The following ZNF208 variants were observed in gnomAD, a reference collection of about 807,000 sequenced individuals.
ZNF208 encodes the protein zinc finger protein 95.
Under a neutral mutation model 12.1 loss-of-function variants are expected in ZNF208, and 10 were observed. That is an observed-to-expected ratio of 0.83 (90% CI 0.51 to 1.40). The LOEUF is 1.40. Ranked by LOEUF, ZNF208 falls within the 40% of genes most tolerant of loss-of-function variation. The pLI, the probability that ZNF208 is intolerant of heterozygous loss-of-function variation, is 0.00. For missense variants in ZNF208, 1,652 were observed against 1,485.0 expected (o/e 1.11, Z -1.85); for synonymous variants, 497 against 488.4 (o/e 1.02, Z -0.23).
chr19:21,987,009 C>G (rs1970638745), intron 3 of ZNF208: 3 of 522,372 alleles, frequency 5.7e-6, no homozygotes, highest in African/African-American at 4.0e-5. Flanking sequence ...AGGAAGATTA[C>G]TGAAGGGAAA....
chr19:21,947,732 A>G (rs1969835134), intron 4 of ZNF208, among the ~76,000 whole-genome samples: 1 of 152,220 alleles, frequency 6.6e-6, no homozygotes. Flanking sequence ...TGTTGAAGGT[A>G]AACTCATCCC....
At chr19:21,989,608 T>C (rs1431230295) in intron 1 of ZNF208, among the ~76,000 whole-genome samples, 1 of 152,198 alleles carries the variant, frequency 6.6e-6, no homozygotes, top group East Asian at 1.9e-4. Flanking sequence ...AGTAATGAGA[T>C]GGCTGGGTCA....
At chr19:21,983,859 G>A (rs1211032925) in intron 3 of ZNF208, among the ~76,000 whole-genome samples, 2 of 152,184 alleles carry the variant, frequency 1.3e-5, no homozygotes, top group African/African-American at 4.8e-5. Context: ...CAAGGGGTGG[G>A]GGCTAGGGGA....
intron 4 of ZNF208, among the ~76,000 whole-genome samples, chr19:21,947,740 C>T (rs936847586): frequency 6.6e-6 from 1 of 152,194 alleles, no homozygotes; most frequent in Admixed American, 6.5e-5. Context: ...GTAAACTCAT[C>T]CCATTCTCTG....
chr19:21,950,811 A>G (rs1050218470), intron 4 of ZNF208, among the ~76,000 whole-genome samples: 4 of 152,282 alleles, frequency 2.6e-5, no homozygotes, highest in African/African-American at 9.6e-5. Context: ...CCTGTTCATA[A>G]AAGGCCTCAA....
At chr19:21,989,489 T>A (rs566210956) in intron 1 of ZNF208, among the ~76,000 whole-genome samples, 4 of 152,034 alleles carry the variant, frequency 2.6e-5, no homozygotes, top group Non-Finnish European at 5.9e-5. Flanking sequence ...TCATTGTTGG[T>A]CATTTGGGTT....
rs2145552606 is a variant in ZNF208, at chr19:21,974,614, T to C, written c.420A>G (p.Thr140=). ...YNKLNQSLTT[T]QSKVFQRGKY... ...TGCCACGTTGAAATACTTTGCTCTG[T>C]GTAGTTGTCAAACTCTGGTTAAGTT... Residue 140 remains threonine, a synonymous_variant, in exon 4 of 4, where the codon ACA becomes ACG. Coordinates refer to ENST00000397126, the MANE Select transcript of ZNF208 (RefSeq NM_007153.3). 1 of 1,613,742 alleles carries C rather than the reference T, an allele frequency of 6.2e-7. No individual in the cohort carries two copies. The highest frequency in any genetic ancestry group is 8.5e-7 in the Non-Finnish European group (1 of 1,179,742).
At position 21,971,013 on chromosome 19, in the gene ZNF208, C is replaced by A. The variant is rs557160945; in HGVS notation, c.*178G>T. ...AACATACTAAAGCCTTTACCACATTCTTCACATTTGTAGGGTGTCTCTCCA... is the reference window on the plus strand; with the variant it reads ...AACATACTAAAGCCTTTACCACATTATTCACATTTGTAGGGTGTCTCTCCA... On this transcript the variant is annotated 3_prime_UTR_variant, in exon 4 of 4. Coordinates refer to ENST00000397126, the MANE Select transcript of ZNF208 (RefSeq NM_007153.3). Among the ~76,000 whole-genome samples the A allele has an allele frequency of 1.3e-5, 2 of 152,054 alleles. No homozygotes were observed. Among genetic ancestry groups the A allele is most frequent in the African/African-American group, 4.8e-5 (2 of 41,500 alleles).
chr19:21,961,741 A>T (rs1970074301), downstream of ZNF208, among the ~76,000 whole-genome samples: 1 of 151,986 alleles, frequency 6.6e-6, no homozygotes, highest in Non-Finnish European at 1.5e-5. Context: ...GAATTCAGTG[A>T]TATCTTCCCT....
chr19:22,008,551 A>AT (rs201415012), intron 1 of ZNF208, among the ~76,000 whole-genome samples: 8 of 124,428 alleles, frequency 6.4e-5, no homozygotes, highest in African/African-American at 2.9e-4. Flanking sequence ...CACTGGGGTC[A>AT]GTTTTTTTTT....
At chr19:21,981,579 A>G (rs1970539781) in intron 3 of ZNF208, among the ~76,000 whole-genome samples, 1 of 152,248 alleles carries the variant, frequency 6.6e-6, no homozygotes, top group African/African-American at 2.4e-5. Flanking sequence ...AGAGCTATGT[A>G]TGACAAACTG....
chr19:22,002,124 A>T (rs1970965069), intron 1 of ZNF208, among the ~76,000 whole-genome samples: 1 of 152,062 alleles, frequency 6.6e-6, no homozygotes, highest in Non-Finnish European at 1.5e-5. Context: ...TAGATGCACA[A>T]AAAGCTTTCA....
At chr19:21,983,113 A>G (rs937758821) in intron 3 of ZNF208, among the ~76,000 whole-genome samples, 1 of 152,180 alleles carries the variant, frequency 6.6e-6, no homozygotes, top group Non-Finnish European at 1.5e-5. Flanking sequence ...CAATCTATCC[A>G]TCTGACAAAG....
intron 1 of ZNF208, among the ~76,000 whole-genome samples, chr19:22,002,205 G>A (rs1305682658): frequency 1.3e-5 from 2 of 152,042 alleles, no homozygotes; most frequent in Non-Finnish European, 2.9e-5. Flanking sequence ...CGTCAAAATA[G>A]TAAGTTATCT....
intron 3 of ZNF208, among the ~76,000 whole-genome samples, chr19:21,985,780 T>C (rs1475666943): frequency 6.6e-6 from 1 of 152,204 alleles, no homozygotes; most frequent in African/African-American, 2.4e-5. Flanking sequence ...CCACGGTTCA[T>C]GGCCACTTCT....
intron 1 of ZNF208, among the ~76,000 whole-genome samples, chr19:22,002,546 T>C (rs1210946427): frequency 6.6e-6 from 1 of 151,732 alleles, no homozygotes; most frequent in African/African-American, 2.4e-5. Flanking sequence ...ACCCTATATA[T>C]CAAGAACACC....
intron 1 of ZNF208, among the ~76,000 whole-genome samples, chr19:21,997,227 T>C (rs182538513): frequency 6.6e-6 from 1 of 152,348 alleles, no homozygotes; most frequent in Non-Finnish European, 1.5e-5. Context: ...ATAATTTGTC[T>C]ACAAGTAGAA....
At chr19:21,959,167 T>C (rs1007415283) in intron 4 of ZNF208, among the ~76,000 whole-genome samples, 1 of 152,168 alleles carries the variant, frequency 6.6e-6, no homozygotes, top group Admixed American at 6.6e-5. Context: ...GGACCCTGGA[T>C]GATGAAAAGT....
chr19:21,978,963 G>C (rs752140470), intron 3 of ZNF208, among the ~76,000 whole-genome samples: 1 of 152,112 alleles, frequency 6.6e-6, no homozygotes, highest in Non-Finnish European at 1.5e-5. Flanking sequence ...CGATAAAGCG[G>C]AAGAAAGGAT....
Sources: allele counts gnomAD v4.1 joint callset (sites outside exome capture counted in the v4.1 genomes callset), GRCh38; gene constraint gnomAD v4.1.1; transcripts MANE v1.5; gene names NCBI Gene and HGNC (gene_info 2026-07-23, HGNC 2026-07-21).